VCL: variants seen among roughly 807,000 people sequenced by gnomAD.
The protein encoded by VCL is vinculin.
A neutral mutation model predicts 125.7 loss-of-function variants in VCL; 47 were observed. That is an observed-to-expected ratio of 0.37 (90% CI 0.30 to 0.48). The LOEUF is 0.48. Among genes scored for constraint, VCL ranks in the 20% least tolerant of loss-of-function variants. The pLI is 0.99. For synonymous variants in VCL, 458 were observed against 514.6 expected (o/e 0.89, Z 1.49); for missense variants, 1,069 against 1,455.5 (o/e 0.73, Z 4.32).
chr10:74,008,187 A>T (rs915911215), intron 1 of VCL, among the ~76,000 whole-genome samples: 2 of 152,194 alleles, frequency 1.3e-5, no homozygotes, highest in African/African-American at 4.8e-5. Context: ...TACAGTGAAT[A>T]TTTCCCATCC....
chr10:74,114,534 A>G, intron 20 of VCL, 147 bp downstream of exon 20: 5 of 1,089,830 alleles, frequency 4.6e-6, no homozygotes, highest in Middle Eastern at 2.9e-4. Flanking sequence ...GGGGACAGAA[A>G]TAGCAGAAAG....
At chr10:74,081,334 A>G (rs940887953) in intron 6 of VCL, among the ~76,000 whole-genome samples, 4 of 152,132 alleles carry the variant, frequency 2.6e-5, no homozygotes, top group African/African-American at 9.7e-5. Flanking sequence ...GGTGCTGCCA[A>G]TGCTTATTTG....
chr10:74,020,414 A>C (rs1461882759), intron 1 of VCL, among the ~76,000 whole-genome samples: 1 of 152,348 alleles, frequency 6.6e-6, no homozygotes, highest in East Asian at 1.9e-4. Flanking sequence ...TGCTGCAAGA[A>C]AACACAATCT....
At chr10:74,053,956 CA>C (rs1260511994) in intron 2 of VCL, among the ~76,000 whole-genome samples, 1 of 151,904 alleles carries the variant, frequency 6.6e-6, no homozygotes, top group Non-Finnish European at 1.5e-5. Flanking sequence ...TTAAAGTTTT[CA>C]AAATTCTTTT....
intron 14 of VCL, among the ~76,000 whole-genome samples, chr10:74,102,474 CATTT>C (rs947274323): frequency 7.2e-5 from 11 of 152,032 alleles, no homozygotes; most frequent in African/African-American, 2.7e-4. Context: ...ATTATTTTTT[CATTT>C]ATTTATTCAG....
At chr10:74,008,956 G>T (rs370882481) in intron 1 of VCL, among the ~76,000 whole-genome samples, 1 of 152,180 alleles carries the variant, frequency 6.6e-6, no homozygotes, top group Non-Finnish European at 1.5e-5. Flanking sequence ...GCATTTTTAA[G>T]CTTCAACAAC....
chr10:74,078,425 A>G (rs1839628337), intron 6 of VCL, among the ~76,000 whole-genome samples: 1 of 152,166 alleles, frequency 6.6e-6, no homozygotes, highest in South Asian at 2.1e-4. Flanking sequence ...GTTAAATTAA[A>G]AAAAGGTCAT....
Position 74,095,835 on chromosome 10 carries a change from C to T in VCL, c.1723C>T (p.Gln575Ter), listed in dbSNP as rs1181880110. The part of the protein sequence containing the change: ...ESPQARALAS[Q>*]LQDSLKDLKA... ...TCCTCAGGCACGAGCACTTGCATCT[C>T]AGCTCCAAGACTCCTTAAAGGTAGA... is the stretch of plus-strand genomic sequence containing the variant. Residue 575 changes from glutamine to a stop codon, truncating the protein, a stop_gained, in exon 12 of 22, where the codon CAG (glutamine) becomes TAG (stop). Coordinates refer to ENST00000211998, the MANE Select transcript of VCL (RefSeq NM_014000.3). LOFTEE classifies it high-confidence loss of function. 1.9e-6 allele frequency: 3 copies of T among 1,613,854 alleles called. No individual in the cohort carries two copies. The highest frequency in any genetic ancestry group is 1.7e-5 in the Admixed American group (1 of 59,998).
intron 1 of VCL, among the ~76,000 whole-genome samples, chr10:74,019,633 C>T (rs1840623721): frequency 6.6e-6 from 1 of 151,866 alleles, no homozygotes; most frequent in South Asian, 2.1e-4. Context: ...ACATCTGCAG[C>T]ATGTGTAGAG....
chr10:74,105,001 T>C (rs1591712986), intron 15 of VCL, 50 bp from the exon 16 acceptor site: 1 of 1,600,232 alleles, frequency 6.2e-7, no homozygotes, highest in Non-Finnish European at 8.5e-7. Context: ...TGTTTTGGAG[T>C]TTCTGTTCTT....
At chr10:74,085,553 C>G (rs1839756227) in intron 8 of VCL, among the ~76,000 whole-genome samples, 1 of 152,060 alleles carries the variant, frequency 6.6e-6, no homozygotes, top group South Asian at 2.1e-4. Flanking sequence ...TCCCCATAAA[C>G]TAAATAAACA....
Position 74,112,069 on chromosome 10 carries a change from C to T in VCL, c.2906C>T (p.Ala969Val), listed in dbSNP as rs534101808. The change falls in exon 19 of 22, where the codon GCG becomes GTG. Residue 969 changes from alanine (A) to valine (V), a missense_variant. This residue lies in a region of VCL where 86 missense variants were observed against 91.0 expected (regional missense o/e 0.95). Transcript: ENST00000211998. ...CCGGTCAACCAGCCCATTCTGGCCG[C>T]GGCTCAGTCCTTGCATCGGGAAGCT... ...NQPVNQPILA[A>V]AQSLHREATK... 18 of 1,614,170 alleles carry T rather than the reference C, an allele frequency of 1.1e-5. No homozygotes were observed. The highest frequency in any genetic ancestry group is 4.5e-5 in the East Asian group (2 of 44,878).
chr10:74,109,200 GA>G (rs1410159413), intron 18 of VCL, 44 bp downstream of exon 18: 1 of 1,610,962 alleles, frequency 6.2e-7, no homozygotes, highest in South Asian at 1.1e-5. Flanking sequence ...TGTCTTCTCG[GA>G]AAGGATGAAG....
intron 17 of VCL, 138 bp downstream of exon 17, chr10:74,107,492 T>A: frequency 7.1e-7 from 1 of 1,416,582 alleles, no homozygotes; most frequent in Non-Finnish European, 9.7e-7. Context: ...GGGAGGCAGA[T>A]CTCGATTTTC....
chr10:74,117,452 C>A (rs1004909897), intron 21 of VCL, among the ~76,000 whole-genome samples: 1 of 152,150 alleles, frequency 6.6e-6, no homozygotes, highest in African/African-American at 2.4e-5. Context: ...CCCAGGAGTA[C>A]GAGTCCAACC....
intron 1 of VCL, among the ~76,000 whole-genome samples, chr10:74,003,012 A>G (rs1219370319): frequency 6.6e-6 from 1 of 151,792 alleles, no homozygotes; most frequent in Non-Finnish European, 1.5e-5. Flanking sequence ...ATATATATAA[A>G]ATTTGCAACT....
rs766192312 is a variant in VCL, at chr10:74,090,138, T to G, written c.1292T>G (p.Ile431Ser). 71 of 1,614,068 alleles carry G rather than the reference T, an allele frequency of 4.4e-5. No individual in the cohort carries two copies. Among genetic ancestry groups the G allele is most frequent in the Non-Finnish European group, 5.8e-5 (68 of 1,180,038 alleles). Residue 431 changes from isoleucine to serine, a missense_variant, in exon 10 of 22, where the codon ATT (isoleucine) becomes AGT (serine). Around this residue, in one of 6 missense-constraint regions of VCL, gnomAD observed 760 missense variants for 928.9 expected, o/e 0.82. Transcript: ENST00000211998. ...GATGATCCTAAAGAAAGAGATGACA[T>G]TCTACGTTCCCTTGGGGAAATATCT... ...LCDDPKERDD[I>S]LRSLGEISAL...
At chr10:74,065,961 A>G (rs1475157855) in intron 2 of VCL, among the ~76,000 whole-genome samples, 1 of 151,552 alleles carries the variant, frequency 6.6e-6, no homozygotes, top group Admixed American at 6.6e-5. Context: ...TCACAGCACT[A>G]TTATTCATAT....
intron 1 of VCL, among the ~76,000 whole-genome samples, chr10:74,002,880 C>CAAAA (rs777477698): frequency 1.5e-5 from 1 of 66,770 alleles, no homozygotes; most frequent in African/African-American, 4.6e-5. Flanking sequence ...GACTCTGTCT[C>CAAAA]AAAAAAAAAA....
Sources: allele counts gnomAD v4.1 joint callset (sites outside exome capture counted in the v4.1 genomes callset), GRCh38; gene constraint gnomAD v4.1.1; regional missense constraint gnomAD v4.1.1; transcripts MANE v1.5; gene names NCBI Gene and HGNC (gene_info 2026-07-23, HGNC 2026-07-21).